RAD54L2: variants seen among roughly 807,000 people sequenced by gnomAD.
RAD54L2 encodes helicase ARIP4.
RAD54L2 carries 27 observed loss-of-function variants against 138.4 expected under a neutral mutation model. The observed-to-expected ratio is 0.20, with a 90% confidence interval of 0.14 to 0.27. The LOEUF is 0.27. Ranked by LOEUF, RAD54L2 falls within the 10% of genes least tolerant of loss-of-function variation. RAD54L2 has a pLI of 1.00. For synonymous variants in RAD54L2, 644 were observed against 723.2 expected, an observed-to-expected ratio of 0.89 and a Z score of 1.76; for missense variants, 1,396 against 1,890.2, an observed-to-expected ratio of 0.74 and a Z score of 4.85.
chr3:51,591,261 G>T (rs757351481), intron 3 of RAD54L2, among the ~76,000 whole-genome samples: 1 of 152,140 alleles, frequency 6.6e-6, no homozygotes, highest in Non-Finnish European at 1.5e-5. Context: ...CAGCCACAAG[G>T]CTTCTCAATT....
intron 2 of RAD54L2, among the ~76,000 whole-genome samples, chr3:51,553,705 G>T (rs1200394580): frequency 6.6e-6 from 1 of 152,132 alleles, no homozygotes; most frequent in African/African-American, 2.4e-5. Flanking sequence ...GTGTACACCT[G>T]TTTAGTCCTA....
intron 3 of RAD54L2, among the ~76,000 whole-genome samples, chr3:51,618,112 C>T (rs1475879002): frequency 1.3e-5 from 2 of 151,286 alleles, no homozygotes; most frequent in Admixed American, 1.3e-4. Flanking sequence ...GCACGTGCCA[C>T]CATGCCCGGC....
At chr3:51,556,351 A>G (rs1238228677) in intron 2 of RAD54L2, among the ~76,000 whole-genome samples, 3 of 151,822 alleles carry the variant, frequency 2.0e-5, no homozygotes, top group Non-Finnish European at 1.5e-5. Flanking sequence ...TCTGCTCCCT[A>G]TGGCCTCAAC....
chr3:51,659,485 A>G (rs914887403), intron 21 of RAD54L2, among the ~76,000 whole-genome samples: 1 of 152,232 alleles, frequency 6.6e-6, no homozygotes, highest in Admixed American at 6.5e-5. Flanking sequence ...GGTTGATCAA[A>G]TGACATACCC....
Position 51,639,343 on chromosome 3 carries a change from T to C in RAD54L2, c.1861-76T>C, listed in dbSNP as rs1045530272. The C allele has an allele frequency of 3.3e-6, 5 of 1,523,970 alleles. No homozygotes were observed. The African/African-American group carries it at 4.1e-5, about 13-fold the overall frequency. 94.4% of individuals were successfully genotyped at this position (1,523,970 alleles called of 1,614,324 possible). ...TGGGACGTGTGTGTTTGAGCAAGTA[T>C]GTGTTTCCAGACTCCCTGGGACACC... On this transcript the variant is annotated intron_variant, in intron 12 of 22. Transcript: ENST00000684192.
At chr3:51,600,743 GATC>G (rs1462981051) in intron 3 of RAD54L2, among the ~76,000 whole-genome samples, 1 of 152,198 alleles carries the variant, frequency 6.6e-6, no homozygotes, top group African/African-American at 2.4e-5. Context: ...AAGGCGCATA[GATC>G]ACGTGAGGTC....
At chr3:51,553,089 G>A (rs1475897959) in intron 2 of RAD54L2, among the ~76,000 whole-genome samples, 1 of 151,720 alleles carries the variant, frequency 6.6e-6, no homozygotes, top group African/African-American at 2.4e-5. Flanking sequence ...TTGTTTGTTT[G>A]TTTTTCTGAG....
intron 22 of RAD54L2, among the ~76,000 whole-genome samples, chr3:51,661,586 C>T (rs577292211): frequency 6.6e-6 from 1 of 152,340 alleles, no homozygotes; most frequent in East Asian, 1.9e-4. Context: ...AAGTTCCCCT[C>T]AGTGGGAGTG....
intron 2 of RAD54L2, among the ~76,000 whole-genome samples, chr3:51,571,711 C>T (rs567021418): frequency 1.7e-3 from 258 of 152,154 alleles, no homozygotes; most frequent in Non-Finnish European, 2.4e-3. Context: ...CATGCATAGT[C>T]GGTTATGTGT....
chr3:51,586,411 C>T (rs1324755385), intron 2 of RAD54L2, among the ~76,000 whole-genome samples: 1 of 151,842 alleles, frequency 6.6e-6, no homozygotes, highest in East Asian at 1.9e-4. Context: ...AACCATCACA[C>T]CAGGCTCTTT....
intron 3 of RAD54L2, among the ~76,000 whole-genome samples, chr3:51,607,315 G>T (rs954575835): frequency 3.3e-5 from 5 of 151,702 alleles, no homozygotes; most frequent in African/African-American, 7.3e-5. Flanking sequence ...GACTCTTAAC[G>T]AGTATGCTGC....
intron 3 of RAD54L2, among the ~76,000 whole-genome samples, chr3:51,606,841 C>A (rs1395295054): frequency 6.6e-6 from 1 of 151,836 alleles, no homozygotes; most frequent in East Asian, 1.9e-4. Flanking sequence ...TGCCACACAC[C>A]TGGCTAATTT....
At chr3:51,544,549 A>G (rs1698636262) in intron 2 of RAD54L2, among the ~76,000 whole-genome samples, 1 of 152,196 alleles carries the variant, frequency 6.6e-6, no homozygotes, top group Admixed American at 6.6e-5. Flanking sequence ...TTTGGGCCAC[A>G]GGGTATCTAG....
chr3:51,617,322 C>T (rs182708652), intron 3 of RAD54L2, among the ~76,000 whole-genome samples: 1 of 152,258 alleles, frequency 6.6e-6, no homozygotes, highest in Non-Finnish European at 1.5e-5. Context: ...AGTGATTATA[C>T]CACTCTTTAC....
chr3:51,562,280 G>A (rs1040867147), intron 2 of RAD54L2, among the ~76,000 whole-genome samples: 1 of 151,898 alleles, frequency 6.6e-6, no homozygotes, highest in South Asian at 2.1e-4. Flanking sequence ...TGCCCAGGCT[G>A]GAGTGCAGTG....
chr3:51,630,211 G>C, intron 5 of RAD54L2, 61 bp from the exon 6 acceptor site: 1 of 1,331,368 alleles, frequency 7.5e-7, no homozygotes, highest in Non-Finnish European at 1.1e-6. Flanking sequence ...AATTGTTTTG[G>C]GAAATATGTT....
In RAD54L2 at chr3:51,665,215, A is replaced by G. The variant is rs1395726340; in HGVS notation, c.*1795A>G. 1.3e-5 allele frequency: 2 copies of G among 151,058 alleles called. No homozygotes were observed. Among genetic ancestry groups the G allele is most frequent in the African/African-American group, 2.4e-5 (1 of 41,062 alleles). The allele number at this position is 151,058 out of a possible 1,614,324, so 9.4% of individuals were successfully genotyped here. On this transcript the variant is annotated 3_prime_UTR_variant, in exon 23 of 23. Transcript: ENST00000684192. Reference sequence around the variant, plus strand: ...TTTGCCAGACAGTTCTTTATGATGAACAAACTTTGGCTTTAGAGCTTTACC... The same window carrying G: ...TTTGCCAGACAGTTCTTTATGATGAGCAAACTTTGGCTTTAGAGCTTTACC...
chr3:51,616,415 G>A (rs897536874), intron 3 of RAD54L2, among the ~76,000 whole-genome samples: 5 of 151,782 alleles, frequency 3.3e-5, no homozygotes, highest in Admixed American at 1.3e-4. Flanking sequence ...TAGCAATATC[G>A]TAAGTTTTTT....
chr3:51,541,794 T>A (rs1209719982), intron 2 of RAD54L2, 144 bp downstream of exon 2: 1 of 152,246 alleles, frequency 6.6e-6, no homozygotes, highest in Non-Finnish European at 1.5e-5. Context: ...TATCTCTCTG[T>A]GTATATATCT....
Sources: allele counts gnomAD v4.1 joint callset (sites outside exome capture counted in the v4.1 genomes callset), GRCh38; gene constraint gnomAD v4.1.1; transcripts MANE v1.5; gene names NCBI Gene and HGNC (gene_info 2026-07-23, HGNC 2026-07-21).